XKR6: variants seen among roughly 807,000 people sequenced by gnomAD.
The protein encoded by XKR6 is XK related 6, also known as XK-related protein 6.
In XKR6, 22 loss-of-function variants were observed where a neutral mutation model predicts 56.7. The observed-to-expected ratio is 0.39, with a 90% CI of 0.28 to 0.55. The LOEUF is 0.55. XKR6 is among the 20% of genes least tolerant of loss of function. The pLI, the probability that XKR6 is intolerant of heterozygous loss-of-function variation, is 0.66. For missense variants in XKR6, 852 were observed against 889.0 expected (o/e 0.96, Z 0.53); for synonymous variants, 524 against 387.8 (o/e 1.35, Z -4.13).
chr8:11,043,970 CT>C (rs1799347412), intron 1 of XKR6, among the ~76,000 whole-genome samples: 1 of 152,214 alleles, frequency 6.6e-6, no homozygotes, highest in Admixed American at 6.5e-5. Context: ...TCACAGGGTT[CT>C]TCTTTTTCTC....
rs116012165 is a variant in XKR6 at position 11,099,696 on chromosome 8, C to G, written c.764+100880G>C. Among the ~76,000 whole-genome samples the G allele has an allele frequency of 6.4e-3, 975 of 152,366 alleles. 6 individuals are homozygous for G. The highest frequency in any genetic ancestry group is 0.022 in the African/African-American group (925 of 41,590). ...GGTATTGAATTTCTAATGTGTCTCA[C>G]GCATTGTTCTAGGTCTTGAAAAAAC... On this transcript the variant is annotated intron_variant, in intron 1 of 2. Transcript: ENST00000416569.
chr8:11,187,997 C>G (rs544571475), intron 1 of XKR6, among the ~76,000 whole-genome samples: 7 of 152,152 alleles, frequency 4.6e-5, no homozygotes, highest in South Asian at 2.1e-4. Flanking sequence ...TACAAAGTTA[C>G]ATAGTTTTAA....
rs571478497 is a variant in XKR6 at position 11,190,106 on chromosome 8, G to A, written c.764+10470C>T. On this transcript the variant is annotated intron_variant, in intron 1 of 2. Transcript: ENST00000416569. ...CAGGAGGCAGAGGTTGCAGTGAGCCGAGATCGCGCCACCGCACTCCAGCCT... is the reference window on the plus strand; with the variant it reads ...CAGGAGGCAGAGGTTGCAGTGAGCCAAGATCGCGCCACCGCACTCCAGCCT... 2.6e-4 allele frequency among the ~76,000 whole-genome samples: 40 copies of A among 151,094 alleles called. No homozygotes were observed. The East Asian group carries it at 5.1e-3, about 19-fold the overall frequency.
intron 1 of XKR6, among the ~76,000 whole-genome samples, chr8:11,179,121 T>TATTACAA (rs1453766975): frequency 6.7e-6 from 1 of 148,856 alleles, no homozygotes; most frequent in Non-Finnish European, 1.5e-5. Context: ...CCTCCCAAAG[T>TATTACAA]GCTGGTATTA....
At chr8:11,094,949 T>A (rs1053963185) in intron 1 of XKR6, among the ~76,000 whole-genome samples, 2 of 152,132 alleles carry the variant, frequency 1.3e-5, no homozygotes, top group Non-Finnish European at 2.9e-5. Flanking sequence ...AATACCTGGG[T>A]GATGGGATGC....
intron 1 of XKR6, among the ~76,000 whole-genome samples, chr8:11,155,048 A>G (rs1801448871): frequency 6.6e-6 from 1 of 152,244 alleles, no homozygotes; most frequent in Non-Finnish European, 1.5e-5. Flanking sequence ...TAAAACAAAC[A>G]GCAATATTTT....
chr8:11,063,427 G>C (rs558901678), intron 1 of XKR6, among the ~76,000 whole-genome samples: 1 of 151,112 alleles, frequency 6.6e-6, no homozygotes, highest in South Asian at 2.1e-4. Context: ...GCATCCAGGA[G>C]TTGGAGGCTG....
At chr8:11,122,037 T>G (rs1476706088) in intron 1 of XKR6, among the ~76,000 whole-genome samples, 1 of 152,106 alleles carries the variant, frequency 6.6e-6, no homozygotes. Context: ...GGATATTCAA[T>G]ATTCAATAGC....
rs528076224 is a variant in XKR6, at chr8:11,166,903, A to C, written c.764+33673T>G. On this transcript the variant is annotated intron_variant, in intron 1 of 2. Coordinates refer to ENST00000416569, the MANE Select transcript of XKR6 (RefSeq NM_173683.4). ...CCTAACATTTAATAGGGAAAATATTAACACTAGTATTCAGCTAATAACTAT... is the reference window on the plus strand; with the variant it reads ...CCTAACATTTAATAGGGAAAATATTCACACTAGTATTCAGCTAATAACTAT... 7.9e-5 allele frequency among the ~76,000 whole-genome samples: 12 copies of C among 152,206 alleles called. 1 individual carries two copies. Among genetic ancestry groups the C allele is most frequent in the African/African-American group, 2.9e-4 (12 of 41,448 alleles).
intron 1 of XKR6, among the ~76,000 whole-genome samples, chr8:10,959,262 AG>A (rs1563312485): frequency 2.0e-5 from 3 of 151,780 alleles, no homozygotes; most frequent in African/African-American, 7.3e-5. Flanking sequence ...AGAGGAACTG[AG>A]TCCCCTCGGC....
intron 1 of XKR6, among the ~76,000 whole-genome samples, chr8:11,197,703 A>AC (rs2117159385): frequency 1.3e-5 from 2 of 152,272 alleles, no homozygotes; most frequent in Admixed American, 1.3e-4. Context: ...TCTACAGACA[A>AC]CCATTCTTCC....
intron 1 of XKR6, among the ~76,000 whole-genome samples, chr8:11,191,801 A>T (rs1326501274): frequency 6.6e-6 from 1 of 152,216 alleles, no homozygotes; most frequent in African/African-American, 2.4e-5. Flanking sequence ...AAAAACCCAC[A>T]AGCAAATTTG....
intron 1 of XKR6, among the ~76,000 whole-genome samples, chr8:10,981,178 A>G (rs1797726456): frequency 6.6e-6 from 1 of 152,198 alleles, no homozygotes; most frequent in Non-Finnish European, 1.5e-5. Context: ...CTCTTGCAAT[A>G]CTGAGAGATG....
intron 2 of XKR6, among the ~76,000 whole-genome samples, chr8:10,899,747 G>T (rs1799983411): frequency 6.6e-6 from 1 of 152,118 alleles, no homozygotes; most frequent in African/African-American, 2.4e-5. Flanking sequence ...GGCTTCCAAG[G>T]CCTCTGCACT....
At chr8:11,099,251 G>A (rs1445864144) in intron 1 of XKR6, among the ~76,000 whole-genome samples, 1 of 152,232 alleles carries the variant, frequency 6.6e-6, no homozygotes. Flanking sequence ...AAATCTGGAA[G>A]CTTGGCAAGG....
intron 1 of XKR6, among the ~76,000 whole-genome samples, chr8:11,114,244 G>A (rs753646430): frequency 6.6e-6 from 1 of 152,180 alleles, no homozygotes; most frequent in Non-Finnish European, 1.5e-5. Context: ...TATTTTGAAT[G>A]GAGTGGTGCC....
chr8:11,199,951 G>A (rs181247950), intron 1 of XKR6, among the ~76,000 whole-genome samples: 3 of 151,482 alleles, frequency 2.0e-5, no homozygotes, highest in Non-Finnish European at 4.4e-5. Flanking sequence ...CTAAGAAAAG[G>A]ACACGTCTAA....
chr8:11,037,111 C>T (rs768929923), intron 1 of XKR6, among the ~76,000 whole-genome samples: 2 of 152,228 alleles, frequency 1.3e-5, no homozygotes, highest in African/African-American at 4.8e-5. Flanking sequence ...AATAACACAA[C>T]ACTTCTCAAA....
intron 1 of XKR6, among the ~76,000 whole-genome samples, chr8:11,189,585 A>C (rs1803443395): frequency 6.6e-6 from 1 of 152,180 alleles, no homozygotes; most frequent in African/African-American, 2.4e-5. Flanking sequence ...ATGCCTAGTG[A>C]TAAAAAGTTT....
Sources: allele counts gnomAD v4.1 joint callset (sites outside exome capture counted in the v4.1 genomes callset), GRCh38; gene constraint gnomAD v4.1.1; transcripts MANE v1.5; gene names NCBI Gene and HGNC (gene_info 2026-07-23, HGNC 2026-07-21).